Variants in OPCML observed in about 807,000 individuals in gnomAD.
OPCML encodes the protein opioid-binding protein/cell adhesion molecule.
OPCML carries 13 observed loss-of-function variants against 37.8 expected under a neutral mutation model. That is an observed-to-expected ratio of 0.34 (90% CI 0.22 to 0.55). OPCML has a LOEUF of 0.55. Ranked by LOEUF, OPCML falls within the 20% of genes least tolerant of loss-of-function variation. The pLI is 0.91. For synonymous variants in OPCML, 176 were observed against 168.8 expected (o/e 1.04, Z -0.33); for missense variants, 341 against 435.6 (o/e 0.78, Z 1.93).
chr11:132,794,292 T>A (rs923458637), intron 2 of OPCML, among the ~76,000 whole-genome samples: 1 of 152,168 alleles, frequency 6.6e-6, no homozygotes, highest in African/African-American at 2.4e-5. Flanking sequence ...AGAATCTGTT[T>A]CTGATAGAAC....
rs560559290 is a variant in OPCML at position 133,275,617 on chromosome 11, C to T, written c.61+256647G>A. Reference sequence around the variant, plus strand: ...TACAAATACAGACATGAGCTCTAGCCCCCACCAGAGAATGACAAGTTGAGA... The same window carrying T: ...TACAAATACAGACATGAGCTCTAGCTCCCACCAGAGAATGACAAGTTGAGA... On this transcript the variant is annotated intron_variant, in intron 1 of 7. Transcript: ENST00000524381. Among the ~76,000 whole-genome samples, 111 of 152,266 alleles carry T rather than the reference C, an allele frequency of 7.3e-4. 1 individual carries two copies. The highest frequency in any genetic ancestry group is 9.4e-4 in the Non-Finnish European group (64 of 68,026).
intron 1 of OPCML, among the ~76,000 whole-genome samples, chr11:133,172,775 C>T (rs1478672857): frequency 6.6e-6 from 1 of 152,104 alleles, no homozygotes; most frequent in African/African-American, 2.4e-5. Context: ...AATTCTAAAA[C>T]ACAGGAGAAA....
At chr11:133,258,750 G>T (rs1941399582) in intron 1 of OPCML, among the ~76,000 whole-genome samples, 1 of 151,978 alleles carries the variant, frequency 6.6e-6, no homozygotes, top group Non-Finnish European at 1.5e-5. Flanking sequence ...CATGGTTCTG[G>T]AGATCTAAGT....
chr11:133,095,282 T>C (rs1948982372), intron 1 of OPCML, among the ~76,000 whole-genome samples: 1 of 142,392 alleles, frequency 7.0e-6, no homozygotes, highest in African/African-American at 2.7e-5. Context: ...TAAATGTTTT[T>C]TTTTTTTTTT....
intron 1 of OPCML, among the ~76,000 whole-genome samples, chr11:133,279,375 G>A (rs1053313226): frequency 1.6e-4 from 25 of 152,180 alleles, no homozygotes; most frequent in African/African-American, 6.0e-4. Context: ...CCAGGGTTCA[G>A]TGCTATGAGC....
chr11:132,798,610 T>C (rs1938469544), intron 2 of OPCML, among the ~76,000 whole-genome samples: 1 of 152,242 alleles, frequency 6.6e-6, no homozygotes, highest in African/African-American at 2.4e-5. Context: ...ACTTTCTCCA[T>C]TGAAGTCTTA....
chr11:133,464,980 G>T (rs67227572), intron 1 of OPCML, among the ~76,000 whole-genome samples: 20,062 of 152,128 alleles, frequency 0.13, 3,151 homozygotes, highest in African/African-American at 0.37. Context: ...CACAGTAAAG[G>T]CTGGGACACT....
intron 3 of OPCML, among the ~76,000 whole-genome samples, chr11:132,551,258 G>A (rs1023873428): frequency 1.3e-5 from 2 of 152,174 alleles, no homozygotes; most frequent in African/African-American, 2.4e-5. Flanking sequence ...AGTTGAAACC[G>A]TCATTGCAAA....
At chr11:133,522,156 A>G (rs572965480) in intron 1 of OPCML, among the ~76,000 whole-genome samples, 2 of 152,350 alleles carry the variant, frequency 1.3e-5, no homozygotes, top group Admixed American at 1.3e-4. Flanking sequence ...TGTGATTTGT[A>G]CACTCTAAGC....
intron 1 of OPCML, among the ~76,000 whole-genome samples, chr11:133,250,539 AG>A (rs1941096096): frequency 1.3e-5 from 1 of 76,320 alleles, no homozygotes; most frequent in Non-Finnish European, 2.7e-5. Flanking sequence ...GAGGGAGGGA[AG>A]GAAGGAAGGA....
intron 1 of OPCML, among the ~76,000 whole-genome samples, chr11:133,440,738 A>G (rs1404746290): frequency 1.3e-5 from 2 of 148,650 alleles, no homozygotes; most frequent in Non-Finnish European, 3.0e-5. Context: ...GGGAAAAAAA[A>G]AAAAAAACAG....
Position 132,943,230 on chromosome 11 carries a change from GA to G in OPCML, c.62-221del. The stretch of plus-strand genomic sequence containing the variant: ...GCCAGGAGCAGGGGGAAGGAGAAGA[GA>G]GGAGTCCGGGCTCTCCGGAGTCTGA... On this transcript the variant is annotated intron_variant, in intron 1 of 7. Coordinates refer to ENST00000524381, the MANE Select transcript of OPCML (RefSeq NM_001012393.5). The surrounding 1 kb of genome is among the most constrained non-coding windows in gnomAD (Gnocchi z 4.3). The G allele has an allele frequency of 7.7e-7, 1 of 1,299,906 alleles. No individual in the cohort carries two copies. Among genetic ancestry groups the G allele is most frequent in the South Asian group, 1.4e-5 (1 of 70,344 alleles). The allele number at this position is 1,299,906 out of a possible 1,614,324, so 80.5% of individuals were successfully genotyped here.
Position 132,420,063 on chromosome 11 carries a change from C to G in OPCML, c.*130G>C, listed in dbSNP as rs1412009689. 10 of 400,350 alleles carry G rather than the reference C, an allele frequency of 2.5e-5. No homozygotes were observed. Among genetic ancestry groups the G allele is most frequent in the African/African-American group, 1.7e-4 (7 of 42,198 alleles). 24.8% of individuals were successfully genotyped at this position (400,350 alleles called of 1,614,324 possible). A position where few individuals can be genotyped will look rare whatever the true frequency, so the allele number is the denominator to read the frequency against. ...AAGCAAACAAACAAATAAACAAAAA[C>G]AAAAAGAAAACAAATCTAGAATAAC... On this transcript the variant is annotated 3_prime_UTR_variant, in exon 8 of 8. Coordinates refer to ENST00000524381, the MANE Select transcript of OPCML (RefSeq NM_001012393.5).
intron 1 of OPCML, among the ~76,000 whole-genome samples, chr11:133,068,755 C>T (rs1393281607): frequency 6.6e-6 from 1 of 152,186 alleles, no homozygotes; most frequent in African/African-American, 2.4e-5. Flanking sequence ...TAAGTTAGCA[C>T]ATCTGCTTGA....
At chr11:133,352,653 G>T (rs1309065746) in intron 1 of OPCML, among the ~76,000 whole-genome samples, 3 of 152,214 alleles carry the variant, frequency 2.0e-5, no homozygotes, top group Admixed American at 2.0e-4. Context: ...ACAGCGTATG[G>T]TGTAGTAGAT....
At chr11:133,516,168 G>A (rs769278203) in intron 1 of OPCML, among the ~76,000 whole-genome samples, 14 of 152,148 alleles carry the variant, frequency 9.2e-5, no homozygotes, top group African/African-American at 1.9e-4. Flanking sequence ...GGCAGCTGGT[G>A]GGTGGAGGCA....
At chr11:133,443,186 G>A (rs1298998358) in intron 1 of OPCML, among the ~76,000 whole-genome samples, 1 of 152,084 alleles carries the variant, frequency 6.6e-6, no homozygotes, top group Non-Finnish European at 1.5e-5. Context: ...TACCCATCTG[G>A]GAAATAAACG....
chr11:133,503,880 C>G (rs1263806984), intron 1 of OPCML, among the ~76,000 whole-genome samples: 1 of 152,174 alleles, frequency 6.6e-6, no homozygotes. Flanking sequence ...CCATCCTCTT[C>G]CTCCCGAGGA....
intron 1 of OPCML, among the ~76,000 whole-genome samples, chr11:133,351,153 AC>A (rs1944128432): frequency 6.6e-6 from 1 of 152,226 alleles, no homozygotes; most frequent in Non-Finnish European, 1.5e-5. Context: ...TATTTTAGGA[AC>A]AGCAAATGGC....
Sources: allele counts gnomAD v4.1 joint callset (sites outside exome capture counted in the v4.1 genomes callset), GRCh38; gene constraint gnomAD v4.1.1; non-coding constraint Gnocchi (gnomAD v3.1); transcripts MANE v1.5; gene names NCBI Gene and HGNC (gene_info 2026-07-23, HGNC 2026-07-21).